IL1RAPL2: variants seen among roughly 807,000 people sequenced by gnomAD.
IL1RAPL2 encodes X-linked interleukin-1 receptor accessory protein-like 2.
A neutral mutation model predicts 44.1 loss-of-function variants in IL1RAPL2; 3 were observed. That is an observed-to-expected ratio of 0.07 (90% CI 0.03 to 0.18). The LOEUF (loss-of-function observed/expected upper bound fraction) is 0.18, where lower values mean the gene tolerates loss of function less well. Among genes scored for constraint, IL1RAPL2 ranks in the 10% least tolerant of loss-of-function variants. IL1RAPL2 has a pLI of 1.00. For missense variants in IL1RAPL2, 391 were observed against 496.4 expected (o/e 0.79, Z 2.02); for synonymous variants, 181 against 178.8 (o/e 1.01, Z -0.10).
intron 2 of IL1RAPL2, among the ~76,000 whole-genome samples, chrX:105,074,486 C>T: frequency 9.0e-6 from 1 of 111,140 alleles, no homozygotes; most frequent in Non-Finnish European, 1.9e-5. Flanking sequence ...ATACCTCCGG[C>T]TTTGTTCTTT....
chrX:105,719,004 G>C (rs750432892), intron 7 of IL1RAPL2, among the ~76,000 whole-genome samples: 8 of 111,008 alleles, frequency 7.2e-5, no homozygotes, highest in African/African-American at 2.0e-4. Context: ...ATGAAGAAAT[G>C]GGAAACCTCA....
chrX:104,720,700 C>T (rs894633203), intron 2 of IL1RAPL2, among the ~76,000 whole-genome samples: 2 of 111,580 alleles, frequency 1.8e-5, no homozygotes, highest in Non-Finnish European at 1.9e-5. Context: ...CTTTGCTGTA[C>T]CTTGAACTAT....
At chrX:104,748,481 A>G (rs771630626) in intron 2 of IL1RAPL2, among the ~76,000 whole-genome samples, 1 of 111,516 alleles carries the variant, frequency 9.0e-6, no homozygotes, top group East Asian at 2.8e-4. Context: ...AATCTAGTTG[A>G]CCAAATAGAA....
At chrX:104,644,779 T>C (rs1055808312) in intron 1 of IL1RAPL2, among the ~76,000 whole-genome samples, 1 of 111,339 alleles carries the variant, frequency 9.0e-6, no homozygotes, top group Non-Finnish European at 1.9e-5. Flanking sequence ...TTCTGCCATA[T>C]GCTTACCCTA....
At chrX:105,405,014 A>T (rs1330928895) in intron 5 of IL1RAPL2, among the ~76,000 whole-genome samples, 1 of 111,594 alleles carries the variant, frequency 9.0e-6, no homozygotes, top group Non-Finnish European at 1.9e-5. Flanking sequence ...TTATTCTCAC[A>T]TATGGTTATA....
chrX:104,581,310 T>C (rs1420399652), intron 1 of IL1RAPL2, among the ~76,000 whole-genome samples: 2 of 112,098 alleles, frequency 1.8e-5, no homozygotes, highest in East Asian at 5.6e-4. Flanking sequence ...ACTGTTGTAT[T>C]GTGTGGGTCT....
chrX:105,669,174 T>A (rs761254976), intron 6 of IL1RAPL2, among the ~76,000 whole-genome samples: 167 of 111,998 alleles, frequency 1.5e-3, no homozygotes, highest in Non-Finnish European at 2.8e-3. Flanking sequence ...TTGTGAGTTA[T>A]GTGGATTCCA....
At chrX:105,485,085 G>A (rs751592855) in intron 6 of IL1RAPL2, among the ~76,000 whole-genome samples, 1 of 111,516 alleles carries the variant, frequency 9.0e-6, no homozygotes, top group African/African-American at 3.2e-5. Context: ...TAACATTTGC[G>A]AGATTTCATC....
chrX:105,746,949 GT>G (rs2038548229), intron 8 of IL1RAPL2, among the ~76,000 whole-genome samples: 2 of 111,802 alleles, frequency 1.8e-5, no homozygotes, highest in South Asian at 7.4e-4. Flanking sequence ...AGAGAAGTCA[GT>G]TTTCAGAGTA....
At chrX:105,239,631 G>T (rs912465230) in intron 4 of IL1RAPL2, among the ~76,000 whole-genome samples, 2 of 88,228 alleles carry the variant, frequency 2.3e-5, no homozygotes, top group Non-Finnish European at 3.9e-5. Flanking sequence ...ACTTCCCTGG[G>T]TAGCTTTACC....
intron 1 of IL1RAPL2, among the ~76,000 whole-genome samples, chrX:104,640,284 T>C (rs1372533810): frequency 1.8e-5 from 2 of 111,832 alleles, no homozygotes; most frequent in African/African-American, 3.2e-5. Flanking sequence ...AGCTTTCAAA[T>C]GTATTTTTTT....
At chrX:104,651,915 G>T (rs967797384) in intron 1 of IL1RAPL2, among the ~76,000 whole-genome samples, 82 of 111,513 alleles carry the variant, frequency 7.4e-4, no homozygotes, top group African/African-American at 2.6e-3. Context: ...TTCAGTCTTG[G>T]TTTGGGGTCT....
At chrX:105,288,263 T>C (rs1195849345) in intron 5 of IL1RAPL2, among the ~76,000 whole-genome samples, 1 of 111,174 alleles carries the variant, frequency 9.0e-6, no homozygotes, top group Admixed American at 9.6e-5. Flanking sequence ...CTGATGTCAC[T>C]GGCTGATTTC....
At chrX:105,191,300 C>T (rs782106165) in intron 2 of IL1RAPL2, among the ~76,000 whole-genome samples, 4 of 112,577 alleles carry the variant, frequency 3.6e-5, no homozygotes, top group Non-Finnish European at 7.5e-5. Context: ...GCTGCAACCT[C>T]CGCCTCCCAG....
At chrX:105,127,468 A>G (rs1436001207) in intron 2 of IL1RAPL2, among the ~76,000 whole-genome samples, 1 of 111,414 alleles carries the variant, frequency 9.0e-6, no homozygotes. Context: ...TGTAAGTTGC[A>G]TGTGGTAGTT....
chrX:104,744,880 A>G (rs1397811563), intron 2 of IL1RAPL2, among the ~76,000 whole-genome samples: 1 of 110,836 alleles, frequency 9.0e-6, no homozygotes, highest in South Asian at 3.8e-4. Flanking sequence ...ATCAGTGTAT[A>G]TATGTGGAGT....
chrX:105,663,122 T>C (rs2037732510), intron 6 of IL1RAPL2, among the ~76,000 whole-genome samples: 1 of 111,888 alleles, frequency 8.9e-6, no homozygotes, highest in Non-Finnish European at 1.9e-5. Context: ...TGGGTCTTTC[T>C]CCACAAATAT....
chrX:105,720,396 A>G (rs1172731002), intron 7 of IL1RAPL2, among the ~76,000 whole-genome samples: 6 of 95,218 alleles, frequency 6.3e-5, no homozygotes, highest in Non-Finnish European at 1.0e-4. Flanking sequence ...GGGATCTTCT[A>G]TCACTATAAA....
At chrX:104,671,486 C>G (rs944356038) in intron 2 of IL1RAPL2, among the ~76,000 whole-genome samples, 16 of 111,406 alleles carry the variant, frequency 1.4e-4, no homozygotes, top group Non-Finnish European at 2.8e-4. Flanking sequence ...TTGGATTGCC[C>G]CCATCGACCC....
Sources: allele counts gnomAD v4.1 joint callset (sites outside exome capture counted in the v4.1 genomes callset), GRCh38; gene constraint gnomAD v4.1.1; transcripts MANE v1.5; gene names NCBI Gene and HGNC (gene_info 2026-07-23, HGNC 2026-07-21).